FAM117A: variants seen among roughly 807,000 people sequenced by gnomAD.
The protein encoded by FAM117A is protein FAM117A.
FAM117A carries 21 observed loss-of-function variants against 44.1 expected under a neutral mutation model. That is an observed-to-expected ratio of 0.48 (90% CI 0.34 to 0.69). FAM117A has a LOEUF of 0.69. Ranked by LOEUF, FAM117A falls within the 30% of genes least tolerant of loss-of-function variation. FAM117A has a pLI of 0.01. For missense variants in FAM117A, 498 were observed against 589.9 expected (o/e 0.84, Z 1.61); for synonymous variants, 220 against 238.3 (o/e 0.92, Z 0.71).
Position 49,711,121 on chromosome 17 carries a change from G to C in FAM117A, c.*134C>G. ...CATCAAAAAGAGGACCCAGGGCTTT[G>C]ACACAGTAAGTGAAAGAAAGTGCTC... On this transcript the variant is annotated 3_prime_UTR_variant, in exon 8 of 8. Coordinates refer to ENST00000240364, the MANE Select transcript of FAM117A (RefSeq NM_030802.4). 2.3e-6 allele frequency: 2 copies of C among 858,202 alleles called. No individual in the cohort carries two copies. The highest frequency in any genetic ancestry group is 1.9e-5 in the South Asian group (1 of 52,698). 53.2% of individuals were successfully genotyped at this position (858,202 alleles called of 1,614,324 possible).
At chr17:49,769,099 C>T (rs1029865825), upstream of FAM117A, among the ~76,000 whole-genome samples, 3 of 152,082 alleles carry the variant, frequency 2.0e-5, no homozygotes, top group Admixed American at 6.5e-5. Flanking sequence ...AGTTCAAGAC[C>T]GGCCTGGCCA....
intron 1 of FAM117A, among the ~76,000 whole-genome samples, chr17:49,748,982 T>C (rs1410609360): frequency 2.0e-5 from 3 of 152,146 alleles, no homozygotes; most frequent in East Asian, 1.9e-4. Context: ...CCTTGGGCCC[T>C]GTGGTTAATG....
At chr17:49,755,133 A>G (rs1224968583) in intron 1 of FAM117A, among the ~76,000 whole-genome samples, 2 of 151,938 alleles carry the variant, frequency 1.3e-5, no homozygotes, top group Admixed American at 6.6e-5. Context: ...TGTGGACAAC[A>G]GTGTAAGTGT....
chr17:49,763,473 C>T (rs1175786401), intron 1 of FAM117A, among the ~76,000 whole-genome samples: 1 of 151,290 alleles, frequency 6.6e-6, no homozygotes, highest in Non-Finnish European at 1.5e-5. Flanking sequence ...TCCCCCTCCC[C>T]GTGCAATAGT....
At chr17:49,763,264 G>C (rs1191850642) in intron 1 of FAM117A, among the ~76,000 whole-genome samples, 1 of 152,070 alleles carries the variant, frequency 6.6e-6, no homozygotes, top group East Asian at 1.9e-4. Flanking sequence ...AATGCAGGGA[G>C]CTGGGCATTT....
intron 1 of FAM117A, 69 bp downstream of exon 1, chr17:49,763,823 C>CA: frequency 8.9e-6 from 5 of 562,884 alleles, no homozygotes; most frequent in Non-Finnish European, 1.2e-5. Context: ...CCCCGTCCCC[C>CA]TCCCGCGGTC....
At position 49,758,511 on chromosome 17, in the gene FAM117A, C is replaced by T. The variant is rs528791175; in HGVS notation, c.196+5381G>A. ...TGGTGGTGGGCACCTGTGGTCCCAG[C>T]TACTTGGGAGGCTGAGGCAGGAGAA... On this transcript the variant is annotated intron_variant, in intron 1 of 7. Coordinates refer to ENST00000240364, the MANE Select transcript of FAM117A (RefSeq NM_030802.4). Among the ~76,000 whole-genome samples the T allele has an allele frequency of 4.9e-3, 735 of 151,010 alleles. 10 individuals are homozygous for T. Among genetic ancestry groups the T allele is most frequent in the African/African-American group, 0.017 (704 of 41,046 alleles).
At chr17:49,723,829 T>C (rs1338425132) in intron 2 of FAM117A, among the ~76,000 whole-genome samples, 1 of 152,152 alleles carries the variant, frequency 6.6e-6, no homozygotes, top group Non-Finnish European at 1.5e-5. Context: ...CAGCTGCTCA[T>C]GGATCAGCAC....
At chr17:49,739,348 G>C (rs1421288358) in intron 1 of FAM117A, among the ~76,000 whole-genome samples, 2 of 152,088 alleles carry the variant, frequency 1.3e-5, no homozygotes, top group African/African-American at 4.8e-5. Context: ...TAATGTCAAA[G>C]CCCTTTCCTT....
chr17:49,725,638 C>T (rs539713267), intron 2 of FAM117A, among the ~76,000 whole-genome samples: 6 of 152,272 alleles, frequency 3.9e-5, no homozygotes, highest in African/African-American at 9.6e-5. Context: ...GGCCCTGTGG[C>T]GGCAATGAGC....
intron 7 of FAM117A, among the ~76,000 whole-genome samples, chr17:49,714,878 C>T (rs2073495161): frequency 6.6e-6 from 1 of 151,772 alleles, no homozygotes; most frequent in Non-Finnish European, 1.5e-5. Flanking sequence ...AACTCCTGAC[C>T]TCAGGTGATA....
intron 7 of FAM117A, among the ~76,000 whole-genome samples, chr17:49,714,293 C>A (rs1423320800): frequency 6.6e-6 from 1 of 151,766 alleles, no homozygotes; most frequent in Admixed American, 6.6e-5. Flanking sequence ...GAATTTAAAT[C>A]CCGGCATATC....
At chr17:49,718,781 G>A (rs1190437432) in intron 5 of FAM117A, among the ~76,000 whole-genome samples, 4 of 151,640 alleles carry the variant, frequency 2.6e-5, no homozygotes, top group African/African-American at 9.7e-5. Flanking sequence ...AGGAGATCGA[G>A]GCCATCCTGG....
At chr17:49,748,782 AC>A (rs1366763936) in intron 1 of FAM117A, among the ~76,000 whole-genome samples, 1 of 152,106 alleles carries the variant, frequency 6.6e-6, no homozygotes. Flanking sequence ...TCATTCACTT[AC>A]CCCCAACTCT....
At chr17:49,715,723 C>G (rs555122155) in intron 7 of FAM117A, among the ~76,000 whole-genome samples, 1 of 152,108 alleles carries the variant, frequency 6.6e-6, no homozygotes, top group Non-Finnish European at 1.5e-5. Flanking sequence ...GCTGTTTAGG[C>G]CCCCCATTCT....
At chr17:49,767,834 C>T (rs1251761499), upstream of FAM117A, among the ~76,000 whole-genome samples, 6 of 151,892 alleles carry the variant, frequency 4.0e-5, no homozygotes, top group Non-Finnish European at 7.4e-5. Flanking sequence ...ACCCAGGAGG[C>T]GGAGGCTGCA....
Position 49,763,136 on chromosome 17 carries a change from A to G in FAM117A, c.196+756T>C, listed in dbSNP as rs920974583. ...TCTCCCCCCCGCTACACACACACAC[A>G]CACACACACACACACACACACACAC... On this transcript the variant is annotated intron_variant, in intron 1 of 7. Transcript: ENST00000240364. Among the ~76,000 whole-genome samples the G allele has an allele frequency of 2.0e-5, 3 of 146,662 alleles. 1 individual carries two copies. The highest frequency in any genetic ancestry group is 7.4e-5 in the African/African-American group (3 of 40,708).
chr17:49,721,478 G>A (rs1234283980), intron 3 of FAM117A, among the ~76,000 whole-genome samples: 1 of 152,184 alleles, frequency 6.6e-6, no homozygotes, highest in Admixed American at 6.5e-5. Context: ...TGCTTACTCT[G>A]ACCATTGAAA....
chr17:49,783,497 G>A (rs113412103), intron 1 of FAM117A, among the ~76,000 whole-genome samples: 5 of 152,214 alleles, frequency 3.3e-5, no homozygotes, highest in African/African-American at 1.2e-4. Flanking sequence ...GCAGGGAGCT[G>A]TGCCTGAGCC....
Sources: allele counts gnomAD v4.1 joint callset (sites outside exome capture counted in the v4.1 genomes callset), GRCh38; gene constraint gnomAD v4.1.1; transcripts MANE v1.5; gene names NCBI Gene and HGNC (gene_info 2026-07-23, HGNC 2026-07-21).